TXLNG: variants seen among roughly 807,000 people sequenced by gnomAD.
TXLNG encodes taxilin gamma.
In TXLNG, 5 loss-of-function variants were observed where a neutral mutation model predicts 38.8. That is an observed-to-expected ratio of 0.13 (90% CI 0.07 to 0.27). The LOEUF (loss-of-function observed/expected upper bound fraction) is 0.27, where lower values mean the gene tolerates loss of function less well. Among genes scored for constraint, TXLNG ranks in the 10% least tolerant of loss-of-function variants. TXLNG has a pLI of 1.00. For missense variants in TXLNG, 393 were observed against 398.2 expected (o/e 0.99, Z 0.11); for synonymous variants, 182 against 158.2 (o/e 1.15, Z -1.13).
intron 9 of TXLNG, among the ~76,000 whole-genome samples, chrX:16,840,170 C>T (rs914787427): frequency 2.7e-5 from 3 of 112,196 alleles, no homozygotes; most frequent in Non-Finnish European, 5.6e-5. Flanking sequence ...AGGCTTGTGT[C>T]GGAGATAGCA....
At chrX:16,820,675 G>A (rs1319776340) in intron 3 of TXLNG, among the ~76,000 whole-genome samples, 1 of 112,737 alleles carries the variant, frequency 8.9e-6, no homozygotes, top group East Asian at 2.8e-4. Context: ...CTTTGTCTCA[G>A]AAATACTTCT....
At chrX:16,821,340 C>T (rs367823084) in intron 3 of TXLNG, among the ~76,000 whole-genome samples, 1 of 109,198 alleles carries the variant, frequency 9.2e-6, no homozygotes, top group African/African-American at 3.3e-5. Flanking sequence ...TGGGTTTCAC[C>T]GTGTTAGCCA....
intron 5 of TXLNG, among the ~76,000 whole-genome samples, chrX:16,831,603 A>C (rs1396017215): frequency 8.9e-6 from 1 of 112,224 alleles, no homozygotes; most frequent in Non-Finnish European, 1.9e-5. Context: ...ATAGAGGTTA[A>C]ATTTTCTTTT....
intron 1 of TXLNG, among the ~76,000 whole-genome samples, chrX:16,799,555 G>A (rs1036561837): frequency 9.0e-6 from 1 of 110,750 alleles, no homozygotes; most frequent in Non-Finnish European, 1.9e-5. Context: ...GGCGGATCAC[G>A]AGGTCAGGAG....
intron 3 of TXLNG, among the ~76,000 whole-genome samples, chrX:16,822,638 G>T (rs1342539554): frequency 9.0e-6 from 1 of 111,664 alleles, no homozygotes; most frequent in Admixed American, 9.5e-5. Flanking sequence ...AGAAAGACAA[G>T]AACAGAAAAG....
At chrX:16,806,903 C>T (rs1164350377) in intron 1 of TXLNG, among the ~76,000 whole-genome samples, 2 of 88,117 alleles carry the variant, frequency 2.3e-5, no homozygotes, top group East Asian at 3.5e-4. Flanking sequence ...GGGGACAGAG[C>T]GAGACTCTGT....
At position 16,842,374 on chromosome X, in the gene TXLNG, T is replaced by A. The variant is rs1480417231; in HGVS notation, c.*608T>A. The A allele has an allele frequency of 8.9e-6, 1 of 112,044 alleles. No homozygotes were observed. The highest frequency in any genetic ancestry group is 3.3e-5 in the African/African-American group (1 of 30,692). 9.2% of individuals were successfully genotyped at this position (112,044 alleles called of 1,213,427 possible). On this transcript the variant is annotated 3_prime_UTR_variant, in exon 10 of 10. Coordinates refer to ENST00000380122, the MANE Select transcript of TXLNG (RefSeq NM_018360.3). Reference sequence around the variant, plus strand: ...CAGAATATGTATATAAAGATGTCACTTGTGGACAAAATAGTACATAGAGGC... The same window carrying A: ...CAGAATATGTATATAAAGATGTCACATGTGGACAAAATAGTACATAGAGGC...
At chrX:16,823,458 C>CAA (rs11311011) in intron 3 of TXLNG, among the ~76,000 whole-genome samples, 9 of 24,941 alleles carry the variant, frequency 3.6e-4, no homozygotes, top group South Asian at 3.1e-3. Flanking sequence ...AACTCTGTCT[C>CAA]AAAAAAAAAA....
At chrX:16,810,322 T>C (rs1297097679) in intron 1 of TXLNG, among the ~76,000 whole-genome samples, 1 of 112,111 alleles carries the variant, frequency 8.9e-6, no homozygotes, top group African/African-American at 3.2e-5. Flanking sequence ...GCATATGATA[T>C]AGAATTCTCT....
Position 16,842,150 on chromosome X carries a change from GCC to G in TXLNG, c.*394_*395del, listed in dbSNP as rs3833411. ...AAACAATATTAATTTAAACGTCTTA[GCC>G]CCCCCCCCCATAATATTATTCAGAA... On this transcript the variant is annotated 3_prime_UTR_variant, in exon 10 of 10. Coordinates refer to ENST00000380122, the MANE Select transcript of TXLNG (RefSeq NM_018360.3). 942 of 96,792 alleles carry G rather than the reference GCC, an allele frequency of 9.7e-3. 13 individuals are homozygous for G. The highest frequency in any genetic ancestry group is 0.034 in the African/African-American group (873 of 25,712). 8.0% of individuals were successfully genotyped at this position (96,792 alleles called of 1,213,427 possible). A position where few individuals can be genotyped will look rare whatever the true frequency, so the allele number is the denominator to read the frequency against.
chrX:16,834,095 T>C (rs754616045), intron 6 of TXLNG, among the ~76,000 whole-genome samples, 188 bp from the exon 7 acceptor site: 1 of 112,471 alleles, frequency 8.9e-6, no homozygotes, highest in Admixed American at 9.4e-5. Flanking sequence ...TGTTCCTGCA[T>C]TCCTAAGTGT....
intron 1 of TXLNG, among the ~76,000 whole-genome samples, chrX:16,807,008 C>T (rs769577012): frequency 1.8e-4 from 20 of 110,564 alleles, no homozygotes; most frequent in Non-Finnish European, 3.2e-4. Flanking sequence ...CGCTTGAACC[C>T]GGGAGGTGGA....
chrX:16,804,118 G>C (rs1020531024), intron 1 of TXLNG, among the ~76,000 whole-genome samples: 2 of 112,286 alleles, frequency 1.8e-5, no homozygotes, highest in Admixed American at 9.4e-5. Context: ...GAACAATTTT[G>C]GGGATATTCT....
At chrX:16,813,243 G>T (rs1464776363) in intron 1 of TXLNG, among the ~76,000 whole-genome samples, 2 of 111,420 alleles carry the variant, frequency 1.8e-5, no homozygotes, top group Non-Finnish European at 3.8e-5. Context: ...ACACAGTGAG[G>T]TACCATCACA....
rs752852317 is a variant in TXLNG at position 16,842,769 on chromosome X, C to T, written c.*1003C>T. 3.6e-5 allele frequency: 4 copies of T among 111,989 alleles called. No individual in the cohort carries two copies. The highest frequency in any genetic ancestry group is 6.5e-5 in the African/African-American group (2 of 30,781). 9.2% of individuals were successfully genotyped at this position (111,989 alleles called of 1,213,427 possible). ...ATTTTCATTATGGATCAGTACCAAC[C>T]GAAATTGATTTTCATTTCCAAAACA... On this transcript the variant is annotated 3_prime_UTR_variant, in exon 10 of 10. Coordinates refer to ENST00000380122, the MANE Select transcript of TXLNG (RefSeq NM_018360.3).
chrX:16,822,888 G>A (rs761562678), intron 3 of TXLNG, among the ~76,000 whole-genome samples: 74 of 111,582 alleles, frequency 6.6e-4, no homozygotes, highest in Middle Eastern at 4.7e-3. Context: ...ACAAATGCCC[G>A]GGCAACAGTG....
intron 6 of TXLNG, among the ~76,000 whole-genome samples, chrX:16,833,714 T>A (rs1322556231): frequency 8.9e-6 from 1 of 112,060 alleles, no homozygotes; most frequent in Non-Finnish European, 1.9e-5. Context: ...TTGGACTATG[T>A]GTGATATTTT....
intron 1 of TXLNG, among the ~76,000 whole-genome samples, chrX:16,796,183 A>G (rs1927882848): frequency 9.3e-6 from 1 of 107,990 alleles, no homozygotes; most frequent in Non-Finnish European, 1.9e-5. Flanking sequence ...ATTATTTTTT[A>G]TTAGAGACAG....
At chrX:16,823,361 G>T (rs751820992) in intron 3 of TXLNG, among the ~76,000 whole-genome samples, 1 of 104,562 alleles carries the variant, frequency 9.6e-6, no homozygotes, top group East Asian at 3.1e-4. Context: ...AGGAGGCTGA[G>T]GCAGGAGAAT....
Sources: allele counts gnomAD v4.1 joint callset (sites outside exome capture counted in the v4.1 genomes callset), GRCh38; gene constraint gnomAD v4.1.1; transcripts MANE v1.5; gene names NCBI Gene and HGNC (gene_info 2026-07-23, HGNC 2026-07-21).